The following CBLL1 variants were observed in gnomAD, a reference collection of about 807,000 sequenced individuals.
The protein encoded by CBLL1 is Cbl proto-oncogene like 1, also known as E3 ubiquitin-protein ligase Hakai.
CBLL1 carries 4 observed loss-of-function variants against 44.9 expected under a neutral mutation model. That is an observed-to-expected ratio of 0.09 (90% CI 0.04 to 0.20). The LOEUF is 0.20. Among genes scored for constraint, CBLL1 ranks in the 10% least tolerant of loss-of-function variants. The probability of loss-of-function intolerance (pLI) is 1.00; values close to 1 mark genes in which losing one functional copy is unlikely to be tolerated. For synonymous variants in CBLL1, 235 were observed against 202.2 expected (o/e 1.16, Z -1.38); for missense variants, 569 against 636.7 (o/e 0.89, Z 1.14).
intron 4 of CBLL1, among the ~76,000 whole-genome samples, chr7:107,754,379 CAG>C (rs144647124): frequency 6.6e-6 from 1 of 151,620 alleles, no homozygotes; most frequent in Admixed American, 6.6e-5. Flanking sequence ...TCCTGAGGCT[CAG>C]AGAGGCTTAA....
chr7:107,755,563 G>T, intron 5 of CBLL1, 72 bp downstream of exon 5: 1 of 812,156 alleles, frequency 1.2e-6, no homozygotes. Context: ...TTGGATTAAA[G>T]GTTAGGGAGT....
intron 2 of CBLL1, among the ~76,000 whole-genome samples, chr7:107,750,518 A>G (rs1469144922): frequency 6.6e-6 from 1 of 151,574 alleles, no homozygotes; most frequent in Non-Finnish European, 1.5e-5. Flanking sequence ...GTTAGCCAGG[A>G]TGGTCTCGAT....
chr7:107,758,544 C>G lies in CBLL1; in HGVS notation c.842C>G (p.Thr281Ser). The G allele has an allele frequency of 6.2e-7, 1 of 1,614,040 alleles. No individual in the cohort carries two copies. Among genetic ancestry groups the G allele is most frequent in the Non-Finnish European group, 8.5e-7 (1 of 1,179,994 alleles). The change falls in exon 6 of 6, where the codon ACC becomes AGC. Residue 281 changes from threonine (T) to serine (S), a missense_variant. Thr to Ser is a moderately conservative substitution (Grantham distance 58). This residue lies in a region of CBLL1 where 5 missense variants were observed against 27.5 expected (regional missense o/e 0.18). Coordinates refer to ENST00000440859, the MANE Select transcript of CBLL1 (RefSeq NM_024814.4). The surrounding 1 kb of genome is among the most constrained non-coding windows in gnomAD (Gnocchi z 4.2). ...PPPPRSVSQETFRISTRKHSN... is the reference protein window; with the variant it reads ...PPPPRSVSQESFRISTRKHSN... ...CCACCTCGATCGGTCAGTCAGGAAA[C>G]CTTTCGTATTTCAACAAGAAAACAC...
At position 107,761,353 on chromosome 7, in the gene CBLL1, G is replaced by A. The variant is rs1040320720; in HGVS notation, c.*2175G>A. The A allele has an allele frequency of 1.3e-5, 2 of 152,088 alleles. No individual in the cohort carries two copies. Among genetic ancestry groups the A allele is most frequent in the African/African-American group, 4.8e-5 (2 of 41,432 alleles). 9.4% of individuals were successfully genotyped at this position (152,088 alleles called of 1,614,324 possible). On this transcript the variant is annotated 3_prime_UTR_variant, in exon 6 of 6. Coordinates refer to ENST00000440859, the MANE Select transcript of CBLL1 (RefSeq NM_024814.4). The stretch of plus-strand genomic sequence containing the variant: ...TAAAAAATGATTTATTTTCAATTAG[G>A]TTTAAGAAATCTATGTTATGCAGGG...
In CBLL1 at chr7:107,760,322, A is replaced by G. The variant is rs186388597; in HGVS notation, c.*1144A>G. On this transcript the variant is annotated 3_prime_UTR_variant, in exon 6 of 6. Transcript: ENST00000440859. ...TGCTGTGTGATAGGATTTTTCCTCT[A>G]ACTTGAAATTTAAAAACTTTTATTT... 1 of 152,354 alleles carries G rather than the reference A, an allele frequency of 6.6e-6. No individual in the cohort carries two copies. The highest frequency in any genetic ancestry group is 1.9e-4 in the East Asian group (1 of 5,328). The allele number at this position is 152,354 out of a possible 1,614,324, so 9.4% of individuals were successfully genotyped here.
Position 107,749,115 on chromosome 7 carries a change from G to C in CBLL1, c.181+68G>C, listed in dbSNP as rs185366383. 72 of 1,400,766 alleles carry C rather than the reference G, an allele frequency of 5.1e-5. No individual in the cohort carries two copies. The African/African-American group carries it at 1.0e-3, about 19-fold the overall frequency. The allele number at this position is 1,400,766 out of a possible 1,614,324, so 86.8% of individuals were successfully genotyped here. On this transcript the variant is annotated intron_variant, in intron 2 of 5. Transcript: ENST00000440859. ...TCTGATTGCTTCGGACAGTCTGTGT[G>C]ATCTTATAGCTACCTCTTTTTGTCT... is the stretch of plus-strand genomic sequence containing the variant.
chr7:107,759,376 G>A lies in CBLL1; in HGVS notation c.*198G>A, dbSNP rs1793675154. Reference sequence around the variant, plus strand: ...TACCATACTGTAGTACAGATAAGTGGCTCAGTTGAGCACAGCTATATTTTA... The same window carrying A: ...TACCATACTGTAGTACAGATAAGTGACTCAGTTGAGCACAGCTATATTTTA... On this transcript the variant is annotated 3_prime_UTR_variant, in exon 6 of 6. Transcript: ENST00000440859. 2.1e-6 allele frequency: 1 copy of A among 482,798 alleles called. No individual in the cohort carries two copies. Among genetic ancestry groups the A allele is most frequent in the Non-Finnish European group, 3.6e-6 (1 of 275,948 alleles). 29.9% of individuals were successfully genotyped at this position (482,798 alleles called of 1,614,324 possible). A position where few individuals can be genotyped will look rare whatever the true frequency, so the allele number is the denominator to read the frequency against.
chr7:107,755,512 C>A lies in CBLL1; in HGVS notation c.440+21C>A, dbSNP rs373366877. ...CCAGGGTAAGATAAGATTATCATTA[C>A]CTTTTTTAAATAATAAAGTTTTAGT... On this transcript the variant is annotated intron_variant, in intron 5 of 5. Coordinates refer to ENST00000440859, the MANE Select transcript of CBLL1 (RefSeq NM_024814.4). 1.0e-4 allele frequency: 141 copies of A among 1,389,496 alleles called. 2 individuals are homozygous for A. Among genetic ancestry groups the A allele is most frequent in the Non-Finnish European group, 1.3e-4 (136 of 1,008,342 alleles). 86.1% of individuals were successfully genotyped at this position (1,389,496 alleles called of 1,614,324 possible). A position where few individuals can be genotyped will look rare whatever the true frequency, so the allele number is the denominator to read the frequency against.
At chr7:107,753,840 G>T in intron 3 of CBLL1, 55 bp from the exon 4 acceptor site, 1 of 1,123,984 alleles carries the variant, frequency 8.9e-7, no homozygotes, top group South Asian at 1.5e-5. Context: ...TCATTGTGTA[G>T]ATACAATCTT....
Position 107,759,109 on chromosome 7 carries a change from G to T in CBLL1, c.1407G>T (p.Pro469=). The T allele has an allele frequency of 6.2e-7, 1 of 1,613,916 alleles. No individual in the cohort carries two copies. Among genetic ancestry groups the T allele is most frequent in the Non-Finnish European group, 8.5e-7 (1 of 1,179,952 alleles). Residue 469 remains proline, a synonymous_variant, in exon 6 of 6, where the codon CCG becomes CCT. Coordinates refer to ENST00000440859, the MANE Select transcript of CBLL1 (RefSeq NM_024814.4). ...CACCACCTCCACGATTGCAGGGTCC[G>T]CCTTCTCAAACCCCACTTCCTGGAC... ...GPPPPPRLQG[P]PSQTPLPGPH... is the part of the protein sequence containing the mutation.
intron 2 of CBLL1, chr7:107,752,468 GTGTC>G: frequency 3.5e-6 from 2 of 566,144 alleles, no homozygotes; most frequent in East Asian, 1.3e-4. Context: ...GTGTGTGTCT[GTGTC>G]TGTGTATAGG....
chr7:107,750,374 C>T (rs1308565779), intron 2 of CBLL1, among the ~76,000 whole-genome samples: 11 of 151,448 alleles, frequency 7.3e-5, no homozygotes, highest in African/African-American at 1.2e-4. Flanking sequence ...GGCGGGATCT[C>T]GGCTCACTGC....
chr7:107,748,360 A>G (rs1487230121), intron 1 of CBLL1, among the ~76,000 whole-genome samples: 2 of 152,248 alleles, frequency 1.3e-5, no homozygotes, highest in Non-Finnish European at 2.9e-5. Flanking sequence ...CGCTTAAGGA[A>G]TAATCACATT....
intron 3 of CBLL1, 112 bp downstream of exon 3, chr7:107,753,623 T>C (rs1793404833): frequency 8.3e-6 from 5 of 603,788 alleles, no homozygotes; most frequent in Non-Finnish European, 8.2e-6. Flanking sequence ...TATGAACTTA[T>C]AACTATGATT....
At position 107,758,051 on chromosome 7, in the gene CBLL1, A is replaced by G. The variant is rs756995147; in HGVS notation, c.441-92A>G. ...GGACTTTTGCTATGTTTTATGTAAC[A>G]GTCAAATTTTAAAAACAAGCATATT... On this transcript the variant is annotated intron_variant, in intron 5 of 5. Transcript: ENST00000440859. The surrounding 1 kb of genome is among the most constrained non-coding windows in gnomAD (Gnocchi z 4.2). 187 of 1,143,860 alleles carry G rather than the reference A, an allele frequency of 1.6e-4. No individual in the cohort carries two copies. Among genetic ancestry groups the G allele is most frequent in the Non-Finnish European group, 2.1e-4 (169 of 819,612 alleles). The allele number at this position is 1,143,860 out of a possible 1,614,324, so 70.9% of individuals were successfully genotyped here. A position where few individuals can be genotyped will look rare whatever the true frequency, so the allele number is the denominator to read the frequency against.
chr7:107,749,914 G>A (rs890712402), intron 2 of CBLL1, among the ~76,000 whole-genome samples: 2 of 150,006 alleles, frequency 1.3e-5, no homozygotes, highest in South Asian at 4.3e-4. Flanking sequence ...TATATGTTAT[G>A]TATGTGCGTG....
At chr7:107,752,499 T>C (rs1471923965) in intron 2 of CBLL1, 2 of 1,047,504 alleles carry the variant, frequency 1.9e-6, no homozygotes, top group Middle Eastern at 2.3e-4. Flanking sequence ...AATTTAGTCA[T>C]GTGGGTAAAG....
chr7:107,754,844 G>T (rs1435957631), intron 4 of CBLL1, among the ~76,000 whole-genome samples: 1 of 152,132 alleles, frequency 6.6e-6, no homozygotes, highest in Non-Finnish European at 1.5e-5. Context: ...CCTGCAGGGG[G>T]CTGGGTGTGG....
intron 4 of CBLL1, chr7:107,754,219 TTGGAG>T (rs1793431884): frequency 4.1e-6 from 1 of 245,742 alleles, no homozygotes; most frequent in Non-Finnish European, 7.7e-6. Flanking sequence ...ACTAATTCCT[TTGGAG>T]TGTTTGATAC....
Sources: allele counts gnomAD v4.1 joint callset (sites outside exome capture counted in the v4.1 genomes callset), GRCh38; gene constraint gnomAD v4.1.1; regional missense constraint gnomAD v4.1.1; non-coding constraint Gnocchi (gnomAD v3.1); transcripts MANE v1.5; gene names NCBI Gene and HGNC (gene_info 2026-07-23, HGNC 2026-07-21).